Variants in ABCC5 observed in about 807,000 individuals in gnomAD.
ABCC5 encodes the protein ATP binding cassette subfamily C member 5.
A neutral mutation model predicts 160.9 loss-of-function variants in ABCC5; 61 were observed. That is an observed-to-expected ratio of 0.38 (90% confidence interval 0.31 to 0.47). ABCC5 has a LOEUF of 0.47. Ranked by LOEUF, ABCC5 falls within the 20% of genes least tolerant of loss-of-function variation. The pLI, the probability that ABCC5 is intolerant of heterozygous loss-of-function variation, is 0.99. For missense variants in ABCC5, 1,308 were observed against 1,813.3 expected (o/e 0.72, Z 5.06); for synonymous variants, 666 against 700.6 (o/e 0.95, Z 0.78).
Position 183,937,959 on chromosome 3 carries a change from G to C in ABCC5, c.3796C>G (p.Leu1266Val). 2 of 1,614,180 alleles carry C rather than the reference G, an allele frequency of 1.2e-6. No homozygotes were observed. Among genetic ancestry groups the C allele is most frequent in the Non-Finnish European group, 1.7e-6 (2 of 1,180,034 alleles). The stretch of plus-strand genomic sequence containing the variant: ...GGAATGATAGAGAGTTTGCTTCGGA[G>C]GTCGGCAAGGCCAATATCACTGATT... ...VRISDIGLAD[L>V]RSKLSIIPQE... Residue 1266 changes from leucine (L) to valine (V), a missense_variant, in exon 26 of 30, where the codon CTC becomes GTC. By Grantham distance (32) the Leu-to-Val change is conservative (BLOSUM62 1). This residue lies in a region of ABCC5 where 163 missense variants were observed against 269.7 expected (regional missense o/e 0.60). Transcript: ENST00000334444.
chr3:183,998,446 T>G (rs970169454), intron 2 of ABCC5, among the ~76,000 whole-genome samples: 1 of 152,158 alleles, frequency 6.6e-6, no homozygotes, highest in Admixed American at 6.5e-5. Flanking sequence ...TTAAGAAAAT[T>G]TATACAAATT....
At chr3:183,941,488 C>A (rs1714344856) in intron 25 of ABCC5, among the ~76,000 whole-genome samples, 1 of 149,382 alleles carries the variant, frequency 6.7e-6, no homozygotes, top group African/African-American at 2.5e-5. Context: ...TTAGAAAGTT[C>A]TTTAAAATCA....
chr3:183,942,854 C>T lies in ABCC5; in HGVS notation c.3567G>A (p.Gln1189=). ...CGTTCTCAAAGGTCACCTCTCCCTC[C>T]TGGGGCCAGTCAGGGGAGGGAGCCT... ...KNKAPSPDWP[Q]EGEVTFENAE... is the part of the protein sequence containing the mutation. Residue 1189 remains glutamine, a synonymous_variant, in exon 25 of 30, where the codon CAG becomes CAA. Transcript: ENST00000334444. 6.2e-7 allele frequency: 1 copy of T among 1,614,114 alleles called. No individual in the cohort carries two copies. Among genetic ancestry groups the T allele is most frequent in the Non-Finnish European group, 8.5e-7 (1 of 1,179,990 alleles).
Position 183,987,459 on chromosome 3 carries a change from C to T in ABCC5, c.591+311G>A. On this transcript the variant is annotated intron_variant, in intron 5 of 29. Transcript: ENST00000334444. This position sits in a 1 kb window ranked among gnomAD's most constrained non-coding sequence, Gnocchi z 4.2. The stretch of plus-strand genomic sequence containing the variant: ...CACCCACTCATAGCACTGCAAGACA[C>T]ATCTGCCTGCACCGACTGTCAGTTC... 1.7e-6 allele frequency: 1 copy of T among 595,060 alleles called. No homozygotes were observed. Among genetic ancestry groups the T allele is most frequent in the Non-Finnish European group, 3.0e-6 (1 of 333,846 alleles). 36.9% of individuals were successfully genotyped at this position (595,060 alleles called of 1,614,324 possible).
intron 11 of ABCC5, among the ~76,000 whole-genome samples, chr3:183,968,266 C>A (rs1717413386): frequency 6.6e-6 from 1 of 152,060 alleles, no homozygotes; most frequent in South Asian, 2.1e-4. Flanking sequence ...TGCACCACTA[C>A]ACCCAGCTAA....
Position 183,987,917 on chromosome 3 carries a change from T to C in ABCC5, c.444A>G (p.Arg148=). 6.2e-7 allele frequency: 1 copy of C among 1,613,924 alleles called. No individual in the cohort carries two copies. The highest frequency in any genetic ancestry group is 8.5e-7 in the Non-Finnish European group (1 of 1,179,980). The change falls in exon 5 of 30, where the codon AGA becomes AGG. Residue 148 remains arginine, a splice_region_variant and synonymous_variant. Coordinates refer to ENST00000334444, the MANE Select transcript of ABCC5 (RefSeq NM_005688.4). The surrounding 1 kb of genome is among the most constrained non-coding windows in gnomAD (Gnocchi z 4.2). ...GCTCTTCTTGCCACAGTCTCTCTAG[T>C]CTTAACAAGGGCACACGTCCTCGTT... ...KHESSDVNCR[R]LERLWQEELN... is the part of the protein sequence containing the mutation.
At chr3:184,000,150 G>C (rs1720629148) in intron 2 of ABCC5, among the ~76,000 whole-genome samples, 2 of 151,856 alleles carry the variant, frequency 1.3e-5, no homozygotes, top group Admixed American at 6.6e-5. Context: ...CTTGAGCCTA[G>C]GAGCTTGAGA....
intron 5 of ABCC5, chr3:183,984,887 A>G: frequency 6.3e-7 from 1 of 1,575,468 alleles, no homozygotes; most frequent in Non-Finnish European, 8.6e-7. Context: ...GCAGTCTCCA[A>G]AGGAAGGCTG....
chr3:183,956,150 CCG>C, intron 17 of ABCC5, among the ~76,000 whole-genome samples: 1 of 129,368 alleles, frequency 7.7e-6, no homozygotes, highest in African/African-American at 2.8e-5. Flanking sequence ...ACATGCAGAT[CCG>C]TGTGTAAATC....
At chr3:183,967,640 G>T in intron 12 of ABCC5, 55 bp downstream of exon 12, 1 of 1,495,690 alleles carries the variant, frequency 6.7e-7, no homozygotes, top group Non-Finnish European at 9.3e-7. Context: ...CGTTTTTCCT[G>T]AGACTCTTGC....
intron 17 of ABCC5, among the ~76,000 whole-genome samples, chr3:183,957,488 G>C (rs150089472): frequency 0.048 from 7,008 of 145,804 alleles, 401 homozygotes; most frequent in East Asian, 0.19. Context: ...TCAGTTACAT[G>C]CGGATCCGTG....
At chr3:183,954,131 G>T (rs1560001217) in intron 17 of ABCC5, among the ~76,000 whole-genome samples, 1 of 149,704 alleles carries the variant, frequency 6.7e-6, no homozygotes, top group Non-Finnish European at 1.5e-5. Flanking sequence ...CAGGAAAGTT[G>T]GTTGGTCTCA....
intron 2 of ABCC5, 28 bp from the exon 3 acceptor site, chr3:183,989,411 A>G (rs2108870083): frequency 6.2e-7 from 1 of 1,612,506 alleles, no homozygotes. Context: ...GAGAAAGGCA[A>G]GAGCACAGTT....
rs1715129159 is a variant in ABCC5, at chr3:183,949,307, T to C, written c.3227+446A>G. On this transcript the variant is annotated intron_variant, in intron 22 of 29. Coordinates refer to ENST00000334444, the MANE Select transcript of ABCC5 (RefSeq NM_005688.4). This position sits in a 1 kb window ranked among gnomAD's most constrained non-coding sequence, Gnocchi z 4.2. ...TACTCGATGCTTAAATAAAATCTAC[T>C]CAAATGTCATGACTACCTTTTACTA... 6.6e-6 allele frequency among the ~76,000 whole-genome samples: 1 copy of C among 152,204 alleles called. No individual in the cohort carries two copies. The highest frequency in any genetic ancestry group is 2.1e-4 in the South Asian group (1 of 4,824).
At chr3:183,996,163 G>A (rs1720271158) in intron 2 of ABCC5, among the ~76,000 whole-genome samples, 2 of 152,230 alleles carry the variant, frequency 1.3e-5, no homozygotes, top group African/African-American at 4.8e-5. Flanking sequence ...GGAAAACTTG[G>A]CAAGCAATCC....
At chr3:183,966,523 G>C (rs2108826656) in intron 12 of ABCC5, among the ~76,000 whole-genome samples, 1 of 152,314 alleles carries the variant, frequency 6.6e-6, no homozygotes, top group Admixed American at 6.5e-5. Flanking sequence ...CCACTGCCTA[G>C]TCAACCCTGG....
chr3:183,924,010 C>CAT (rs1712268045), intron 29 of ABCC5, among the ~76,000 whole-genome samples: 1 of 112,800 alleles, frequency 8.9e-6, no homozygotes, highest in Admixed American at 9.4e-5. Context: ...TTACTGTTTG[C>CAT]TTTTTTTTTT....
chr3:183,985,763 C>T lies in ABCC5; in HGVS notation c.591+2007G>A, dbSNP rs1376209783. 17 of 296,932 alleles carry T rather than the reference C, an allele frequency of 5.7e-5. 1 individual carries two copies. The highest frequency in any genetic ancestry group is 4.0e-4 in the South Asian group (12 of 30,032). 18.4% of individuals were successfully genotyped at this position (296,932 alleles called of 1,614,324 possible). ...ACTCCATTAACATTACTATGACCCC[C>T]GGGCACCCTGCACATATAGCGGCAG... On this transcript the variant is annotated intron_variant, in intron 5 of 29. Coordinates refer to ENST00000334444, the MANE Select transcript of ABCC5 (RefSeq NM_005688.4).
intron 12 of ABCC5, 179 bp downstream of exon 12, chr3:183,967,516 G>A: frequency 1.6e-6 from 1 of 613,336 alleles, no homozygotes; most frequent in Non-Finnish European, 2.9e-6. Flanking sequence ...CCTCCTTCCA[G>A]GCAGAAGGCT....
Sources: allele counts gnomAD v4.1 joint callset (sites outside exome capture counted in the v4.1 genomes callset), GRCh38; gene constraint gnomAD v4.1.1; regional missense constraint gnomAD v4.1.1; non-coding constraint Gnocchi (gnomAD v3.1); transcripts MANE v1.5; gene names NCBI Gene and HGNC (gene_info 2026-07-23, HGNC 2026-07-21).